TONSL: variants seen among roughly 807,000 people sequenced by gnomAD.
TONSL encodes the protein tonsoku like, DNA repair protein, also known as tonsoku-like protein.
Under a neutral mutation model 147.1 loss-of-function variants are expected in TONSL, and 112 were observed. The ratio of observed to expected loss-of-function variants is 0.76; its 90% confidence interval spans 0.65 to 0.89. The LOEUF (loss-of-function observed/expected upper bound fraction) is 0.89. Among genes scored for constraint, TONSL ranks in the 40% least tolerant of loss-of-function variants. The pLI, the probability that TONSL is intolerant of heterozygous loss-of-function variation, is 0.00. For missense variants in TONSL, 1,883 were observed against 1,864.6 expected (o/e 1.01, Z -0.18); for synonymous variants, 868 against 801.5 (o/e 1.08, Z -1.40).
At chr8:144,432,208 G>A (rs1342307566) in intron 23 of TONSL, 77 bp downstream of exon 23, 2 of 1,485,564 alleles carry the variant, frequency 1.3e-6, no homozygotes, top group Non-Finnish European at 1.8e-6. Flanking sequence ...TCTGGGGAGA[G>A]GCGAGCTCCT....
rs765160105 is a variant in TONSL at position 144,436,067 on chromosome 8, C to T, written c.2366G>A (p.Arg789Gln). Reference protein sequence around the residue: ...NREAATASTSRAAYQAAIRGV... With the variant: ...NREAATASTSQAAYQAAIRGV... ...CCGGATGGCTGCCTGGTAGGCTGCC[C>T]GGCTGGTGCTGGCTGTGGCTGCTTC... The change falls in exon 17 of 26, where the codon CGG (arginine) becomes CAG (glutamine). Residue 789 changes from arginine to glutamine, a missense_variant. By Grantham distance (43) the Arg-to-Gln change is conservative. Transcript: ENST00000409379. 1.3e-5 allele frequency: 20 copies of T among 1,571,742 alleles called. No homozygotes were observed. Among genetic ancestry groups the T allele is most frequent in the Admixed American group, 1.8e-5 (1 of 55,964 alleles).
chr8:144,439,144 G>A (rs901812176), intron 11 of TONSL, among the ~76,000 whole-genome samples: 2 of 151,988 alleles, frequency 1.3e-5, no homozygotes, highest in Admixed American at 6.5e-5. Context: ...GTGTCGTCAG[G>A]CCAGGTCAGC....
Position 144,443,211 on chromosome 8 carries a change from C to T in TONSL, c.375G>A (p.Gln125=). ...RTHLDIYDHC[Q]SRDALLQAQA... is the part of the protein sequence containing the mutation. ...GTGCCTGCAGCAAAGCATCCCTCGA[C>T]TGGCAGTGGTCATAGATGTCCAGGT... Residue 125 remains glutamine, a synonymous_variant, in exon 4 of 26, where the codon CAG becomes CAA. Transcript: ENST00000409379. 1.3e-6 allele frequency: 2 copies of T among 1,550,830 alleles called. No homozygotes were observed. The highest frequency in any genetic ancestry group is 1.7e-6 in the Non-Finnish European group (2 of 1,146,974).
rs558485336 is a variant in TONSL at position 144,440,560 on chromosome 8, C to T, written c.1165-84G>A. ...AGTCAAGCTTCCCCGGCTGCCCAGA[C>T]GAAATGGGAGCCCGGCCTCCCAGCT... On this transcript the variant is annotated intron_variant, in intron 9 of 25. Coordinates refer to ENST00000409379, the MANE Select transcript of TONSL (RefSeq NM_013432.5). 60 of 1,527,236 alleles carry T rather than the reference C, an allele frequency of 3.9e-5. 1 individual carries two copies. The highest frequency in any genetic ancestry group is 3.4e-4 in the South Asian group (27 of 79,914). The allele number at this position is 1,527,236 out of a possible 1,614,324, so 94.6% of individuals were successfully genotyped here.
At chr8:144,430,198 C>T (rs1823122867) in intron 25 of TONSL, among the ~76,000 whole-genome samples, 1 of 152,194 alleles carries the variant, frequency 6.6e-6, no homozygotes, top group Non-Finnish European at 1.5e-5. Flanking sequence ...ATACCCACCT[C>T]GCCCCCTAAC....
intron 5 of TONSL, 119 bp downstream of exon 5, chr8:144,442,557 TG>T: frequency 2.0e-6 from 3 of 1,493,158 alleles, no homozygotes; most frequent in Non-Finnish European, 1.8e-6. Context: ...GTGTGAGAGG[TG>T]GGGGGATGAG....
intron 18 of TONSL, 53 bp downstream of exon 18, chr8:144,435,421 C>T: frequency 6.9e-7 from 1 of 1,448,224 alleles, no homozygotes; most frequent in Non-Finnish European, 9.3e-7. Context: ...ACACGAGCAC[C>T]CTGGCATGGA....
chr8:144,432,253 C>G, intron 23 of TONSL, 32 bp downstream of exon 23: 1 of 1,608,478 alleles, frequency 6.2e-7, no homozygotes, highest in Non-Finnish European at 8.5e-7. Context: ...CTCTGAGGCT[C>G]AGTATTTTCT....
Position 144,436,384 on chromosome 8 carries a change from G to C in TONSL, c.2049C>G (p.Ser683Arg). 6.6e-7 allele frequency: 1 copy of C among 1,505,914 alleles called. No individual in the cohort carries two copies. Among genetic ancestry groups the C allele is most frequent in the Non-Finnish European group, 8.8e-7 (1 of 1,134,150 alleles). The allele number at this position is 1,505,914 out of a possible 1,614,324, so 93.3% of individuals were successfully genotyped here. A position where few individuals can be genotyped will look rare whatever the true frequency, so the allele number is the denominator to read the frequency against. The change falls in exon 17 of 26, where the codon AGC becomes AGG. Residue 683 changes from serine to arginine, a missense_variant. Ser to Arg is a moderately radical substitution (Grantham distance 110, BLOSUM62 -1). Coordinates refer to ENST00000409379, the MANE Select transcript of TONSL (RefSeq NM_013432.5). ...PHSSQAFHTP[S>R]SLLFDPETSP... Reference sequence around the variant, plus strand: ...AGGTCTCGGGGTCAAACAGAAGGCTGCTTGGGGTGTGGAAGGCCTGGGAGC... The same window carrying C: ...AGGTCTCGGGGTCAAACAGAAGGCTCCTTGGGGTGTGGAAGGCCTGGGAGC...
In TONSL at chr8:144,444,175, C is replaced by T. The variant is rs746443307; in HGVS notation, c.121+5G>A. 3.5e-6 allele frequency: 5 copies of T among 1,437,860 alleles called. No homozygotes were observed. The South Asian group carries it at 6.8e-5, about 20-fold the overall frequency. 89.1% of individuals were successfully genotyped at this position (1,437,860 alleles called of 1,614,324 possible). On this transcript the variant is annotated splice_donor_5th_base_variant and intron_variant, in intron 2 of 25. Coordinates refer to ENST00000409379, the MANE Select transcript of TONSL (RefSeq NM_013432.5). The stretch of plus-strand genomic sequence containing the variant: ...TGCCTCCCGCCTCCTGGTCCCGGCG[C>T]TCACCATGGCCGGCCAGGAGCTCCC...
chr8:144,443,362 C>T (rs1432704805), intron 3 of TONSL, 41 bp from the exon 4 acceptor site: 1 of 1,522,456 alleles, frequency 6.6e-7, no homozygotes, highest in South Asian at 1.2e-5. Flanking sequence ...CCGACTCCGC[C>T]TCAAGCAAAC....
chr8:144,433,768 GAC>G lies in TONSL; in HGVS notation c.3388-11_3388-10del. The stretch of plus-strand genomic sequence containing the variant: ...TCCAGCTCCTCCAAACTCTGTGGAA[GAC>G]ACAGGCTGGCAGTGAGCCCCCAGCA... On this transcript the variant is annotated splice_polypyrimidine_tract_variant and intron_variant, in intron 21 of 25. Transcript: ENST00000409379. 2 of 1,558,508 alleles carry G rather than the reference GAC, an allele frequency of 1.3e-6. No individual in the cohort carries two copies. Among genetic ancestry groups the G allele is most frequent in the Non-Finnish European group, 8.7e-7 (1 of 1,152,938 alleles).
Position 144,438,637 on chromosome 8 carries a change from A to AG in TONSL, c.1563+15dup. 6.2e-7 allele frequency: 1 copy of AG among 1,609,200 alleles called. No individual in the cohort carries two copies. The highest frequency in any genetic ancestry group is 1.3e-5 in the African/African-American group (1 of 74,936). ...GCTGCTGAGCGGGGTGGGTGGGGGC[A>AG]GGGCACTGTCCTCACCTTGCTCCCC... On this transcript the variant is annotated intron_variant, in intron 12 of 25. Transcript: ENST00000409379.
intron 23 of TONSL, among the ~76,000 whole-genome samples, chr8:144,431,674 G>A (rs1371074211): frequency 6.6e-6 from 1 of 151,666 alleles, no homozygotes; most frequent in Admixed American, 6.6e-5. Flanking sequence ...CACCACGCCC[G>A]GCTAATTTTT....
At chr8:144,434,757 G>T in intron 20 of TONSL, 54 bp downstream of exon 20, 1 of 1,576,606 alleles carries the variant, frequency 6.3e-7, no homozygotes, top group Non-Finnish European at 8.6e-7. Flanking sequence ...GAGCCTGTGT[G>T]CCCAACCCCC....
chr8:144,429,524 G>A (rs1044847473), intron 25 of TONSL, among the ~76,000 whole-genome samples, 188 bp from the exon 26 acceptor site: 5 of 152,204 alleles, frequency 3.3e-5, no homozygotes, highest in Admixed American at 2.0e-4. Flanking sequence ...CACAGCCAGC[G>A]GTCAGACAGG....
intron 11 of TONSL, among the ~76,000 whole-genome samples, chr8:144,439,199 A>G (rs1455175365): frequency 6.6e-6 from 1 of 152,006 alleles, no homozygotes; most frequent in Non-Finnish European, 1.5e-5. Context: ...CACCCTGCCT[A>G]GGCAGCAGAC....
chr8:144,437,391 G>A (rs911703623), intron 13 of TONSL, among the ~76,000 whole-genome samples: 1 of 152,218 alleles, frequency 6.6e-6, no homozygotes, highest in Non-Finnish European at 1.5e-5. Context: ...GCGGGAAGGT[G>A]CCCAGATCTC....
chr8:144,433,856 G>C, intron 21 of TONSL, 97 bp from the exon 22 acceptor site: 1 of 1,471,410 alleles, frequency 6.8e-7, no homozygotes, highest in Non-Finnish European at 9.0e-7. Flanking sequence ...ACCTTGCCTG[G>C]CATAGCCTAT....
Sources: gnomAD v4.1 joint callset for allele counts (sites outside exome capture counted in the v4.1 genomes callset) on GRCh38, gnomAD v4.1.1 for gene constraint, MANE v1.5 for transcripts, NCBI Gene and HGNC (gene_info 2026-07-23, HGNC 2026-07-21) for gene names.